Variants in KCNK2 observed in about 807,000 individuals in gnomAD.
KCNK2 encodes potassium two pore domain channel subfamily K member 2, also known as potassium channel subfamily K member 2.
KCNK2 carries 21 observed loss-of-function variants against 40.5 expected under a neutral mutation model. The observed-to-expected ratio is 0.52, with a 90% CI of 0.37 to 0.75. The LOEUF is 0.75. KCNK2 is among the 30% of genes least tolerant of loss of function. The probability of loss-of-function intolerance (pLI) is 0.00; values close to 1 mark genes in which losing one functional copy is unlikely to be tolerated. For missense variants in KCNK2, 399 were observed against 531.6 expected (o/e 0.75, Z 2.45); for synonymous variants, 191 against 202.2 (o/e 0.94, Z 0.47).
At chr1:215,176,690 AG>A (rs1211240526) in intron 5 of KCNK2, among the ~76,000 whole-genome samples, 4 of 152,152 alleles carry the variant, frequency 2.6e-5, no homozygotes, top group African/African-American at 9.7e-5. Context: ...ATGGCTTCAT[AG>A]TATTCCATGG....
intron 3 of KCNK2, among the ~76,000 whole-genome samples, chr1:215,150,704 T>G (rs1350501809): frequency 6.6e-6 from 1 of 152,090 alleles, no homozygotes; most frequent in Non-Finnish European, 1.5e-5. Context: ...CATATTTTAA[T>G]CATGCATTCA....
At chr1:215,229,989 AAC>A (rs1666555252) in intron 6 of KCNK2, among the ~76,000 whole-genome samples, 2 of 149,962 alleles carry the variant, frequency 1.3e-5, no homozygotes, top group Admixed American at 6.7e-5. Context: ...ATATTTTGAG[AAC>A]ACACACAGAT....
intron 2 of KCNK2, among the ~76,000 whole-genome samples, chr1:215,105,130 T>A (rs1660381759): frequency 6.6e-6 from 1 of 152,152 alleles, no homozygotes; most frequent in Non-Finnish European, 1.5e-5. Flanking sequence ...TATCGTTGAC[T>A]ATGTGCACTT....
intron 6 of KCNK2, among the ~76,000 whole-genome samples, chr1:215,209,323 CAT>C (rs67296743): frequency 0.52 from 45,299 of 87,928 alleles, 12,446 homozygotes; most frequent in East Asian, 0.67. Flanking sequence ...GAAATATACA[CAT>C]ATTTTTATAT....
At chr1:215,213,070 C>T (rs1020116922) in intron 6 of KCNK2, among the ~76,000 whole-genome samples, 7 of 152,104 alleles carry the variant, frequency 4.6e-5, no homozygotes, top group Admixed American at 1.3e-4. Context: ...GGAATAAATG[C>T]GTTCCTGGCT....
At chr1:215,051,873 G>A (rs998805207) in intron 1 of KCNK2, among the ~76,000 whole-genome samples, 3 of 152,050 alleles carry the variant, frequency 2.0e-5, no homozygotes, top group East Asian at 1.9e-4. Context: ...AGAAAATTTT[G>A]GATTGTTTTG....
chr1:215,182,624 A>G (rs1664272970), intron 5 of KCNK2, among the ~76,000 whole-genome samples: 1 of 152,138 alleles, frequency 6.6e-6, no homozygotes, highest in South Asian at 2.1e-4. Flanking sequence ...GCACAATTCC[A>G]GCACCTACTG....
chr1:215,039,470 A>G (rs1571863643), intron 1 of KCNK2, among the ~76,000 whole-genome samples: 1 of 152,158 alleles, frequency 6.6e-6, no homozygotes, highest in Non-Finnish European at 1.5e-5. Flanking sequence ...ATTCCAAACT[A>G]GAAGTGAATC....
chr1:215,046,681 CTT>C, intron 1 of KCNK2, among the ~76,000 whole-genome samples: 1 of 152,078 alleles, frequency 6.6e-6, no homozygotes, highest in Admixed American at 6.5e-5. Context: ...ATGTCTTCCT[CTT>C]ATGTAAAATT....
At chr1:215,032,602 G>A (rs1176865764) in intron 1 of KCNK2, among the ~76,000 whole-genome samples, 2 of 151,978 alleles carry the variant, frequency 1.3e-5, no homozygotes, top group Non-Finnish European at 2.9e-5. Context: ...ATTTTTGTTT[G>A]TCAGAAAAAT....
chr1:215,164,902 G>A (rs1663374060), intron 3 of KCNK2, among the ~76,000 whole-genome samples: 1 of 152,194 alleles, frequency 6.6e-6, no homozygotes, highest in Admixed American at 6.6e-5. Context: ...GCTTAGCAGA[G>A]TGCCTGGCAA....
intron 1 of KCNK2, among the ~76,000 whole-genome samples, chr1:215,061,866 A>G (rs562918965): frequency 1.8e-4 from 27 of 152,274 alleles, no homozygotes; most frequent in South Asian, 4.1e-4. Context: ...GGAGAAAATT[A>G]TGTAGGAAAT....
chr1:215,204,279 T>A (rs1665215390), intron 6 of KCNK2, among the ~76,000 whole-genome samples: 1 of 151,818 alleles, frequency 6.6e-6, no homozygotes. Flanking sequence ...TTCTTCCTTT[T>A]TTTTAAATTT....
At position 215,083,213 on chromosome 1, in the gene KCNK2, C is replaced by T. The variant is rs1316129833; in HGVS notation, c.-173C>T. The stretch of plus-strand genomic sequence containing the variant: ...TCACGCTCCCCCCCCCGCCCCCTCC[C>T]GCGTCCAGCCCCGCTCTCCCCACCT... On this transcript the variant is annotated 5_prime_UTR_variant, in exon 1 of 7. Transcript: ENST00000444842. 5 of 1,395,312 alleles carry T rather than the reference C, an allele frequency of 3.6e-6. No homozygotes were observed. The African/African-American group carries it at 4.5e-5, about 12-fold the overall frequency. The allele number at this position is 1,395,312 out of a possible 1,614,324, so 86.4% of individuals were successfully genotyped here. A position where few individuals can be genotyped will look rare whatever the true frequency, so the allele number is the denominator to read the frequency against.
rs868548614 is a variant in KCNK2, at chr1:215,028,032, T to G, written c.34+22077T>G. Among the ~76,000 whole-genome samples the G allele has an allele frequency of 2.0e-5, 3 of 152,312 alleles. No individual in the cohort carries two copies. The Middle Eastern group carries it at 0.01, about 518-fold the overall frequency. ...ATTTCTCATTCCTAAAAATATTAATTTTTTTCTTTTTTTTCCTTTTGGAAC... is the reference window on the plus strand; with the variant it reads ...ATTTCTCATTCCTAAAAATATTAATGTTTTTCTTTTTTTTCCTTTTGGAAC... On this transcript the variant is annotated intron_variant, in intron 1 of 6. Coordinates refer to the KCNK2 transcript ENST00000391895.
chr1:215,053,966 C>CA lies in KCNK2; in HGVS notation c.35-32395dup, dbSNP rs552813368. Reference sequence around the variant, plus strand: ...TGGGCGACAGAGCAAGACTCCATCTCAAAAAAACAAAGTACAACCCCTGAC... The same window carrying CA: ...TGGGCGACAGAGCAAGACTCCATCTCAAAAAAAACAAAGTACAACCCCTGAC... On this transcript the variant is annotated intron_variant, in intron 1 of 6. Coordinates refer to the KCNK2 transcript ENST00000391895. Among the ~76,000 whole-genome samples, 5 of 152,172 alleles carry CA rather than the reference C, an allele frequency of 3.3e-5. No homozygotes were observed. In the East Asian group the frequency reaches 9.7e-4, roughly 29 times the overall value.
intron 2 of KCNK2, among the ~76,000 whole-genome samples, chr1:215,099,575 T>C (rs1320683114): frequency 1.3e-5 from 2 of 151,900 alleles, no homozygotes; most frequent in East Asian, 3.9e-4. Flanking sequence ...GTATAATGTG[T>C]AATGTATTCT....
intron 3 of KCNK2, among the ~76,000 whole-genome samples, chr1:215,130,417 G>A (rs576401578): frequency 3.3e-5 from 5 of 152,250 alleles, no homozygotes; most frequent in African/African-American, 1.2e-4. Flanking sequence ...GCATTAGTAA[G>A]GAAAATGCTT....
At chr1:215,116,443 T>C (rs1210387418) in intron 2 of KCNK2, among the ~76,000 whole-genome samples, 1 of 152,092 alleles carries the variant, frequency 6.6e-6, no homozygotes, top group Non-Finnish European at 1.5e-5. Flanking sequence ...TACCCAGCAG[T>C]ATGCTTCATG....
Sources: allele counts gnomAD v4.1 joint callset (sites outside exome capture counted in the v4.1 genomes callset), GRCh38; gene constraint gnomAD v4.1.1; transcripts MANE v1.5; gene names NCBI Gene and HGNC (gene_info 2026-07-23, HGNC 2026-07-21).